SLC12A2: variants seen among roughly 807,000 people sequenced by gnomAD.
SLC12A2 encodes solute carrier family 12 member 2.
Under a neutral mutation model 136.3 loss-of-function variants are expected in SLC12A2, and 67 were observed. The ratio of observed to expected loss-of-function variants is 0.49; its 90% confidence interval spans 0.40 to 0.60. The LOEUF is 0.60. Ranked by LOEUF, SLC12A2 falls within the 20% of genes least tolerant of loss-of-function variation. The probability of loss-of-function intolerance (pLI) is 0.00; values close to 1 mark genes in which losing one functional copy is unlikely to be tolerated. For missense variants in SLC12A2, 1,322 were observed against 1,534.7 expected, an observed-to-expected ratio of 0.86 and a Z score of 2.32; for synonymous variants, 619 against 562.9, an observed-to-expected ratio of 1.10 and a Z score of -1.41.
At chr5:128,123,105 T>G (rs1241331795) in intron 4 of SLC12A2, among the ~76,000 whole-genome samples, 2 of 152,274 alleles carry the variant, frequency 1.3e-5, no homozygotes, top group Non-Finnish European at 2.9e-5. Context: ...CAGTTTATTA[T>G]TAATACTTCA....
At chr5:128,122,071 T>G (rs111938948) in intron 4 of SLC12A2, among the ~76,000 whole-genome samples, 1 of 152,240 alleles carries the variant, frequency 6.6e-6, no homozygotes, top group African/African-American at 2.4e-5. Context: ...TAATTAATAC[T>G]GTATTATATG....
At chr5:128,172,514 TTCC>T (rs1763409785) in intron 19 of SLC12A2, among the ~76,000 whole-genome samples, 1 of 152,248 alleles carries the variant, frequency 6.6e-6, no homozygotes, top group African/African-American at 2.4e-5. Context: ...CCCTTTCTAC[TTCC>T]CACTATGTAC....
At chr5:128,092,319 G>C (rs1411658039) in intron 1 of SLC12A2, among the ~76,000 whole-genome samples, 3 of 152,074 alleles carry the variant, frequency 2.0e-5, no homozygotes, top group African/African-American at 7.2e-5. Context: ...ATGAGAGGAA[G>C]GGGGTGATTA....
At chr5:128,149,375 T>C (rs1157321663) in intron 12 of SLC12A2, among the ~76,000 whole-genome samples, 1 of 151,824 alleles carries the variant, frequency 6.6e-6, no homozygotes, top group Non-Finnish European at 1.5e-5. Flanking sequence ...GTGTATTTGG[T>C]GTAGCCACTT....
Position 128,134,263 on chromosome 5 carries a change from G to A in SLC12A2, c.1287G>A (p.Glu429=), listed in dbSNP as rs1283545564. 2 of 1,573,854 alleles carry A rather than the reference G, an allele frequency of 1.3e-6. No homozygotes were observed. The highest frequency in any genetic ancestry group is 1.7e-6 in the Non-Finnish European group (2 of 1,144,082). ...TAGGTATCTCAGTAGCTGGAATGGA[G>A]TGGGAAGCAAAAGTAAGTTATGATA... ...ILLGISVAGM[E]WEAKAQIVLL... is the part of the protein sequence containing the mutation. Residue 429 remains glutamate (E), a synonymous_variant, in exon 6 of 27, where the codon GAG becomes GAA. Transcript: ENST00000262461.
intron 4 of SLC12A2, among the ~76,000 whole-genome samples, chr5:128,124,952 G>T (rs755851553): frequency 6.6e-6 from 1 of 152,126 alleles, no homozygotes; most frequent in Non-Finnish European, 1.5e-5. Flanking sequence ...AATAACAAAA[G>T]ATGCTTTTCT....
At chr5:128,114,555 G>A in intron 3 of SLC12A2, 31 bp from the exon 4 acceptor site, 1 of 1,403,208 alleles carries the variant, frequency 7.1e-7, no homozygotes, top group Non-Finnish European at 1.0e-6. Flanking sequence ...AAGAGTGTAA[G>A]TATTCTCATT....
intron 5 of SLC12A2, among the ~76,000 whole-genome samples, chr5:128,132,436 TA>T (rs1164399112): frequency 6.6e-6 from 1 of 152,210 alleles, no homozygotes; most frequent in African/African-American, 2.4e-5. Context: ...CTTTTGGATT[TA>T]GATGGAAGAT....
At chr5:128,139,117 G>A (rs1762274103) in intron 9 of SLC12A2, among the ~76,000 whole-genome samples, 1 of 151,860 alleles carries the variant, frequency 6.6e-6, no homozygotes, top group Admixed American at 6.6e-5. Flanking sequence ...ATGCTTTATG[G>A]TATCTCCAGG....
At position 128,084,606 on chromosome 5, in the gene SLC12A2, A is replaced by G. The variant is rs761992472; in HGVS notation, c.652A>G (p.Met218Val). Reference protein sequence around the residue: ...YYLRTFGHNTMDAVPRIDHYR... With the variant: ...YYLRTFGHNTVDAVPRIDHYR... ...CCTGCGCACCTTCGGCCACAACACC[A>G]TGGACGCTGTGCCCAGGATCGATCA... Residue 218 changes from methionine to valine, a missense_variant, in exon 1 of 27, where the codon ATG becomes GTG. By Grantham distance (21) the Met-to-Val change is conservative. Transcript: ENST00000262461. The surrounding 1 kb of genome is among the most constrained non-coding windows in gnomAD (Gnocchi z 5.6). The G allele has an allele frequency of 4.5e-5, 73 of 1,613,380 alleles. No individual in the cohort carries two copies. In the Middle Eastern group the frequency reaches 4.9e-4, roughly 11 times the overall value.
At position 128,188,842 on chromosome 5, in the gene SLC12A2, A is replaced by G. The variant is rs545331959; in HGVS notation, c.*2211A>G. 2.0e-5 allele frequency: 3 copies of G among 152,424 alleles called. No homozygotes were observed. The highest frequency in any genetic ancestry group is 6.5e-5 in the Admixed American group (1 of 15,272). The allele number at this position is 152,424 out of a possible 1,614,324, so 9.4% of individuals were successfully genotyped here. On this transcript the variant is annotated 3_prime_UTR_variant, in exon 27 of 27. Coordinates refer to ENST00000262461, the MANE Select transcript of SLC12A2 (RefSeq NM_001046.3). ...CAGTAGAAATATTATTCAGTAAACA[A>G]TAATGTGTGAACTTTTAAGATGGAT...
intron 3 of SLC12A2, 117 bp downstream of exon 3, chr5:128,114,404 C>A (rs1761270666): frequency 1.1e-6 from 1 of 872,074 alleles, no homozygotes; most frequent in East Asian, 2.4e-5. Flanking sequence ...TCCTTTATAT[C>A]AGATTGTTAT....
chr5:128,160,263 T>C (rs182471392), intron 16 of SLC12A2, among the ~76,000 whole-genome samples: 29 of 151,806 alleles, frequency 1.9e-4, no homozygotes, highest in African/African-American at 6.5e-4. Flanking sequence ...CGGGGAGGGA[T>C]AGCATTAGGT....
At chr5:128,160,909 A>G (rs956039663) in intron 16 of SLC12A2, among the ~76,000 whole-genome samples, 5 of 151,790 alleles carry the variant, frequency 3.3e-5, no homozygotes, top group Admixed American at 6.6e-5. Context: ...ACTTGGAGAC[A>G]CTGACCCCAC....
intron 1 of SLC12A2, among the ~76,000 whole-genome samples, chr5:128,095,897 G>A (rs1760519453): frequency 1.3e-5 from 2 of 152,086 alleles, no homozygotes; most frequent in Non-Finnish European, 2.9e-5. Flanking sequence ...ACCATATTGA[G>A]AGTACAGTCA....
chr5:128,114,956 T>A (rs1236002304), intron 4 of SLC12A2, among the ~76,000 whole-genome samples: 1 of 152,146 alleles, frequency 6.6e-6, no homozygotes, highest in Non-Finnish European at 1.5e-5. Context: ...CTTAATTGCC[T>A]CCTCCAAGGC....
At chr5:128,149,933 T>C (rs1762645865) in intron 12 of SLC12A2, 64 bp from the exon 13 acceptor site, 3 of 1,084,598 alleles carry the variant, frequency 2.8e-6, no homozygotes, top group Non-Finnish European at 4.2e-6. Context: ...TTTGAAATAC[T>C]TCATAATTTT....
intron 2 of SLC12A2, among the ~76,000 whole-genome samples, chr5:128,113,540 G>A (rs1761233543): frequency 6.6e-6 from 1 of 152,078 alleles, no homozygotes; most frequent in East Asian, 1.9e-4. Flanking sequence ...CACTTAATAG[G>A]GGTTGTATTG....
At chr5:128,104,686 T>C (rs1760871160) in intron 1 of SLC12A2, among the ~76,000 whole-genome samples, 1 of 150,554 alleles carries the variant, frequency 6.6e-6, no homozygotes, top group East Asian at 1.9e-4. Context: ...TAGATATAGA[T>C]ATAGATATAT....
Sources: gnomAD v4.1 joint callset for allele counts (sites outside exome capture counted in the v4.1 genomes callset) on GRCh38, gnomAD v4.1.1 for gene constraint, Gnocchi (gnomAD v3.1) non-coding constraint, MANE v1.5 for transcripts, NCBI Gene and HGNC (gene_info 2026-07-23, HGNC 2026-07-21) for gene names.